Variants in MORF4L1 observed in about 807,000 individuals in gnomAD.
The protein encoded by MORF4L1 is mortality factor 4 like 1.
A neutral mutation model predicts 52.9 loss-of-function variants in MORF4L1; 4 were observed. That is an observed-to-expected ratio of 0.08 (90% CI 0.04 to 0.17). The LOEUF (loss-of-function observed/expected upper bound fraction) is 0.17. MORF4L1 is among the 10% of genes least tolerant of loss of function. The pLI is 1.00. For missense variants in MORF4L1, 214 were observed against 390.4 expected, an observed-to-expected ratio of 0.55 and a Z score of 3.81; for synonymous variants, 123 against 134.8, an observed-to-expected ratio of 0.91 and a Z score of 0.61.
At chr15:78,891,369 G>A in intron 6 of MORF4L1, 115 bp from the exon 7 acceptor site, 1 of 785,462 alleles carries the variant, frequency 1.3e-6, no homozygotes, top group Non-Finnish European at 2.1e-6. Flanking sequence ...CTTAGATTGA[G>A]GTAACAGCTG....
chr15:78,875,811 G>C (rs949085031), intron 1 of MORF4L1, among the ~76,000 whole-genome samples: 2 of 151,932 alleles, frequency 1.3e-5, no homozygotes, highest in Non-Finnish European at 2.9e-5. Context: ...TTATTAATTA[G>C]ATGATCGGAG....
intron 6 of MORF4L1, 182 bp from the exon 7 acceptor site, chr15:78,891,302 A>G: frequency 1.5e-6 from 1 of 655,164 alleles, no homozygotes; most frequent in Non-Finnish European, 2.7e-6. Context: ...TCTATACTAA[A>G]TGTTCGGTAG....
At chr15:78,873,238 C>G (rs1260940915) in intron 1 of MORF4L1, 181 bp downstream of exon 1, 6 of 1,507,372 alleles carry the variant, frequency 4.0e-6, no homozygotes, top group Non-Finnish European at 5.3e-6. Context: ...TGTGAGAAAG[C>G]GCTTTGTGAA....
At position 78,887,251 on chromosome 15, in the gene MORF4L1, C is replaced by G; in HGVS notation, c.243-18C>G. 1.3e-6 allele frequency: 2 copies of G among 1,589,200 alleles called. No homozygotes were observed. The highest frequency in any genetic ancestry group is 1.7e-6 in the Non-Finnish European group (2 of 1,171,444). Reference sequence around the variant, plus strand: ...AAATGCTCATTTTATGTTGACATTACTGAAATTATTTTTGAAGGGAGCAGT... The same window carrying G: ...AAATGCTCATTTTATGTTGACATTAGTGAAATTATTTTTGAAGGGAGCAGT... On this transcript the variant is annotated intron_variant, in intron 4 of 11. Transcript: ENST00000426013.
chr15:78,888,868 T>G lies in MORF4L1; in HGVS notation c.323+1519T>G, dbSNP rs867898744. On this transcript the variant is annotated intron_variant, in intron 5 of 11. Transcript: ENST00000426013. ...TACTATTTGAGGATTGTTCATAGTT[T>G]TAATAAGTGGTAACATGTTTTCATG... Among the ~76,000 whole-genome samples, 10 of 152,238 alleles carry G rather than the reference T, an allele frequency of 6.6e-5. 1 individual carries two copies. Among genetic ancestry groups the G allele is most frequent in the Middle Eastern group, 6.3e-3 (2 of 316 alleles).
intron 10 of MORF4L1, chr15:78,894,522 C>G (rs1189074580): frequency 2.7e-6 from 1 of 375,746 alleles, no homozygotes; most frequent in African/African-American, 2.1e-5. Flanking sequence ...ATTCTCCTGC[C>G]TCAGCCTCCC....
chr15:78,887,140 A>T, intron 4 of MORF4L1, 129 bp from the exon 5 acceptor site: 3 of 712,786 alleles, frequency 4.2e-6, no homozygotes, highest in Non-Finnish European at 4.8e-6. Context: ...TTGTGGAAAT[A>T]TCTCTGTCCA....
intron 1 of MORF4L1, among the ~76,000 whole-genome samples, chr15:78,875,402 T>C (rs901035600): frequency 6.6e-6 from 1 of 152,236 alleles, no homozygotes; most frequent in East Asian, 1.9e-4. Context: ...TAAGAGAGTC[T>C]GTATTTAACA....
intron 3 of MORF4L1, among the ~76,000 whole-genome samples, chr15:78,884,140 G>A (rs1347528046): frequency 6.6e-6 from 1 of 151,156 alleles, no homozygotes; most frequent in African/African-American, 2.4e-5. Flanking sequence ...GGAGGCAGAG[G>A]TTGCAGTGAG....
chr15:78,876,486 T>C, intron 1 of MORF4L1: 1 of 455,328 alleles, frequency 2.2e-6, no homozygotes, highest in South Asian at 1.5e-5. Context: ...TGTATATTTT[T>C]TCAACAAAAT....
intron 1 of MORF4L1, among the ~76,000 whole-genome samples, chr15:78,876,117 T>TAGTAGAGACTAAA (rs1343200300): frequency 1.3e-5 from 2 of 151,934 alleles, no homozygotes; most frequent in Non-Finnish European, 2.9e-5. Flanking sequence ...TTTGTATTTT[T>TAGTAGAGACTAAA]AGTAGAGACG....
intron 3 of MORF4L1, among the ~76,000 whole-genome samples, chr15:78,885,339 G>C (rs952426005): frequency 6.6e-6 from 1 of 152,126 alleles, no homozygotes; most frequent in African/African-American, 2.4e-5. Context: ...GTTTTTGTTT[G>C]CCATTTTGGG....
intron 10 of MORF4L1, 118 bp from the exon 11 acceptor site, chr15:78,894,702 C>A: frequency 1.2e-6 from 1 of 808,684 alleles, no homozygotes; most frequent in South Asian, 1.6e-5. Context: ...GCCACTATGC[C>A]CGGCCTAAAA....
chr15:78,892,443 A>G (rs919394271), intron 8 of MORF4L1, 130 bp downstream of exon 8: 9 of 575,134 alleles, frequency 1.6e-5, no homozygotes, highest in Non-Finnish European at 2.8e-5. Flanking sequence ...ATTTTAATTT[A>G]GAGGCTGAAC....
intron 1 of MORF4L1, chr15:78,873,961 ATTG>A (rs2056426841): frequency 6.6e-6 from 1 of 152,200 alleles, no homozygotes; most frequent in South Asian, 2.1e-4. Flanking sequence ...AAATGCAGTA[ATTG>A]TTTGATTAGT....
chr15:78,875,114 T>C (rs1265142720), intron 1 of MORF4L1, among the ~76,000 whole-genome samples: 1 of 152,212 alleles, frequency 6.6e-6, no homozygotes, highest in East Asian at 1.9e-4. Flanking sequence ...TTAAAGTGTT[T>C]TGTTTCAGTA....
chr15:78,887,611 A>T (rs936160838), intron 5 of MORF4L1, among the ~76,000 whole-genome samples: 3 of 152,256 alleles, frequency 2.0e-5, no homozygotes, highest in Admixed American at 1.3e-4. Context: ...ACTAGTGGTT[A>T]TAAGTTTTGA....
intron 1 of MORF4L1, among the ~76,000 whole-genome samples, chr15:78,874,642 G>C (rs573445753): frequency 1.5e-5 from 2 of 133,030 alleles, no homozygotes; most frequent in East Asian, 4.5e-4. Context: ...TGCCCAGGCT[G>C]GTCTCGAACT....
intron 1 of MORF4L1, among the ~76,000 whole-genome samples, chr15:78,874,572 T>C (rs1478866676): frequency 8.2e-6 from 1 of 121,792 alleles, no homozygotes; most frequent in Non-Finnish European, 1.6e-5. Flanking sequence ...TTTTTTCTTT[T>C]CTTTTTCTTT....
Sources: gnomAD v4.1 joint callset for allele counts (sites outside exome capture counted in the v4.1 genomes callset) on GRCh38, gnomAD v4.1.1 for gene constraint, MANE v1.5 for transcripts, NCBI Gene and HGNC (gene_info 2026-07-23, HGNC 2026-07-21) for gene names.